The following ERBB4 variants were observed in gnomAD, a reference collection of about 807,000 sequenced individuals.
ERBB4 encodes the protein receptor tyrosine-protein kinase erbB-4.
In ERBB4, 42 loss-of-function variants were observed where a neutral mutation model predicts 158.0. The observed-to-expected ratio is 0.27, with a 90% CI of 0.21 to 0.34. The LOEUF is 0.34. Ranked by LOEUF, ERBB4 falls within the 10% of genes least tolerant of loss-of-function variation. The pLI is 1.00. For missense variants in ERBB4, 1,333 were observed against 1,624.1 expected, an observed-to-expected ratio of 0.82 and a Z score of 3.08; for synonymous variants, 583 against 558.7, an observed-to-expected ratio of 1.04 and a Z score of -0.61.
rs150247268 is a variant in ERBB4 at position 212,197,145 on chromosome 2, C to T, written c.83-72242G>A. Among the ~76,000 whole-genome samples, 708 of 152,252 alleles carry T rather than the reference C, an allele frequency of 4.7e-3. 2 individuals carry two copies. Among genetic ancestry groups the T allele is most frequent in the African/African-American group, 0.016 (658 of 41,548 alleles). On this transcript the variant is annotated intron_variant, in intron 1 of 27. Transcript: ENST00000342788. ...GGCCTGTAGTGTCCCAGCTGACATC[C>T]TCCAAATTAAAGCTTTTCTTCCCTG... is the stretch of plus-strand genomic sequence containing the variant.
chr2:212,156,615 T>C (rs1208417527), intron 1 of ERBB4, among the ~76,000 whole-genome samples: 1 of 152,160 alleles, frequency 6.6e-6, no homozygotes, highest in Non-Finnish European at 1.5e-5. Context: ...TTCTGAACTG[T>C]TGAAACAGCA....
At chr2:212,510,232 T>TAA (rs1553655293) in intron 1 of ERBB4, among the ~76,000 whole-genome samples, 10 of 144,516 alleles carry the variant, frequency 6.9e-5, no homozygotes, top group East Asian at 3.9e-4. Context: ...TATATATATA[T>TAA]AACTACTCCC....
intron 1 of ERBB4, among the ~76,000 whole-genome samples, chr2:212,480,760 A>G (rs1467816298): frequency 6.6e-6 from 1 of 152,168 alleles, no homozygotes; most frequent in Non-Finnish European, 1.5e-5. Context: ...TGGTAGTTTC[A>G]TTGCTATATT....
At chr2:211,937,036 A>G in intron 3 of ERBB4, among the ~76,000 whole-genome samples, 1 of 152,194 alleles carries the variant, frequency 6.6e-6, no homozygotes, top group East Asian at 1.9e-4. Flanking sequence ...AGGTATATTG[A>G]ACTTCTAGCC....
chr2:212,094,285 TA>T (rs2078864088), intron 2 of ERBB4, among the ~76,000 whole-genome samples: 1 of 149,630 alleles, frequency 6.7e-6, no homozygotes, highest in Non-Finnish European at 1.5e-5. Context: ...TAAAATAAAA[TA>T]AAATTAAATT....
chr2:212,087,469 A>G (rs1237111673), intron 2 of ERBB4, among the ~76,000 whole-genome samples: 1 of 152,038 alleles, frequency 6.6e-6, no homozygotes, highest in Non-Finnish European at 1.5e-5. Context: ...ATACCACATC[A>G]TCATGGTTCC....
chr2:212,316,700 G>A (rs1398879994), intron 1 of ERBB4, among the ~76,000 whole-genome samples: 1 of 151,412 alleles, frequency 6.6e-6, no homozygotes, highest in Non-Finnish European at 1.5e-5. Flanking sequence ...ACTAGTAGCT[G>A]AGCAAGCATC....
At chr2:212,198,783 C>T (rs1335739138) in intron 1 of ERBB4, among the ~76,000 whole-genome samples, 2 of 143,044 alleles carry the variant, frequency 1.4e-5, no homozygotes, top group African/African-American at 5.4e-5. Flanking sequence ...GGGGTTTCAC[C>T]ATGTTGGCCA....
chr2:212,132,489 C>T (rs969142179), intron 1 of ERBB4, among the ~76,000 whole-genome samples: 4 of 152,180 alleles, frequency 2.6e-5, no homozygotes, highest in African/African-American at 9.6e-5. Context: ...ATTATCCAAT[C>T]TGTTGCAGTG....
intron 2 of ERBB4, among the ~76,000 whole-genome samples, chr2:212,056,849 G>A (rs544671583): frequency 2.0e-5 from 3 of 152,270 alleles, no homozygotes; most frequent in Admixed American, 6.5e-5. Flanking sequence ...GACCATAAAT[G>A]CTAGGAAGAA....
chr2:212,312,304 C>G (rs2087082112), intron 1 of ERBB4, among the ~76,000 whole-genome samples: 1 of 150,976 alleles, frequency 6.6e-6, no homozygotes, highest in African/African-American at 2.4e-5. Context: ...CTCTTGTTTG[C>G]TGCCATATAT....
intron 2 of ERBB4, among the ~76,000 whole-genome samples, chr2:212,010,800 C>T (rs1295121270): frequency 6.6e-6 from 1 of 152,120 alleles, no homozygotes; most frequent in Non-Finnish European, 1.5e-5. Flanking sequence ...CCACATAAGA[C>T]AGACACTCCC....
chr2:212,329,943 T>C (rs1179580276), intron 1 of ERBB4, among the ~76,000 whole-genome samples: 1 of 152,080 alleles, frequency 6.6e-6, no homozygotes, highest in Non-Finnish European at 1.5e-5. Context: ...ACTGAGGATG[T>C]TCTAAAAGAG....
chr2:211,389,468 C>T (rs1451128228), intron 25 of ERBB4, among the ~76,000 whole-genome samples: 5 of 152,138 alleles, frequency 3.3e-5, no homozygotes, highest in Non-Finnish European at 5.9e-5. Flanking sequence ...TCTCCCTTAA[C>T]TAACTTAGTC....
intron 25 of ERBB4, among the ~76,000 whole-genome samples, chr2:211,392,570 A>G (rs940920033): frequency 2.8e-4 from 41 of 145,150 alleles, no homozygotes; most frequent in Middle Eastern, 3.5e-3. Context: ...ACACACACAC[A>G]CACACACACA....
chr2:212,101,422 G>A (rs1424100813), intron 2 of ERBB4, among the ~76,000 whole-genome samples: 2 of 149,720 alleles, frequency 1.3e-5, no homozygotes, highest in East Asian at 1.9e-4. Flanking sequence ...TCTTTAAGGC[G>A]AAGAAAGATT....
At chr2:212,530,783 A>C (rs7598042) in intron 1 of ERBB4, among the ~76,000 whole-genome samples, 25,654 of 152,176 alleles carry the variant, frequency 0.17, 2,262 homozygotes, top group African/African-American at 0.23. Flanking sequence ...TGGGACCAGG[A>C]GTAAGTAAAG....
chr2:211,837,245 C>T (rs962326075), intron 3 of ERBB4, among the ~76,000 whole-genome samples: 1 of 152,040 alleles, frequency 6.6e-6, no homozygotes, highest in African/African-American at 2.4e-5. Flanking sequence ...CTAAACATGA[C>T]TTGAAGAGTT....
chr2:211,888,097 T>G (rs2106172340), intron 3 of ERBB4, among the ~76,000 whole-genome samples: 1 of 152,334 alleles, frequency 6.6e-6, no homozygotes, highest in African/African-American at 2.4e-5. Context: ...TGATCAGGAC[T>G]TTTTCCTTTT....
Sources: gnomAD v4.1 joint callset for allele counts (sites outside exome capture counted in the v4.1 genomes callset) on GRCh38, gnomAD v4.1.1 for gene constraint, MANE v1.5 for transcripts, NCBI Gene and HGNC (gene_info 2026-07-23, HGNC 2026-07-21) for gene names.